The following LEPR variants were observed in gnomAD, a reference collection of about 807,000 sequenced individuals.
The protein encoded by LEPR is leptin receptor, also known as OB receptor.
Under a neutral mutation model 114.7 loss-of-function variants are expected in LEPR, and 56 were observed. The observed-to-expected ratio is 0.49, with a 90% CI of 0.39 to 0.61. The LOEUF is 0.61. Among genes scored for constraint, LEPR ranks in the 20% least tolerant of loss-of-function variants. The probability of loss-of-function intolerance (pLI) is 0.00; values close to 1 mark genes in which losing one functional copy is unlikely to be tolerated. For missense variants in LEPR, 1,202 were observed against 1,352.9 expected, an observed-to-expected ratio of 0.89 and a Z score of 1.75; for synonymous variants, 443 against 461.4, an observed-to-expected ratio of 0.96 and a Z score of 0.51.
intron 6 of LEPR, among the ~76,000 whole-genome samples, chr1:65,594,798 T>C (rs1303660921): frequency 6.6e-6 from 1 of 151,790 alleles, no homozygotes; most frequent in Non-Finnish European, 1.5e-5. Flanking sequence ...TCAGTAAGAA[T>C]GAAGGAGTAA....
At chr1:65,608,563 C>T (rs923457631) in intron 11 of LEPR, among the ~76,000 whole-genome samples, 190 bp from the exon 12 acceptor site, 17 of 151,674 alleles carry the variant, frequency 1.1e-4, no homozygotes, top group East Asian at 1.9e-4. Flanking sequence ...TCTATATTTG[C>T]GAAAAAGAGA....
chr1:65,636,667 C>G lies in LEPR; in HGVS notation c.3150C>G (p.His1050Gln). ...AGCATCCCAACATAATTTCACCACA[C>G]CTCACATTCTCAGAAGGATTGGATG... is the stretch of plus-strand genomic sequence containing the variant. ...SDQHPNIISPHLTFSEGLDEL... is the reference protein window; with the variant it reads ...SDQHPNIISPQLTFSEGLDEL... The change falls in exon 20 of 20, where the codon CAC (histidine) becomes CAG (glutamine). Residue 1050 changes from histidine to glutamine, a missense_variant. By Grantham distance (24) the His-to-Gln change is conservative (BLOSUM62 0). Coordinates refer to ENST00000349533, the MANE Select transcript of LEPR (RefSeq NM_002303.6). The G allele has an allele frequency of 6.2e-7, 1 of 1,609,800 alleles. No individual in the cohort carries two copies. Among genetic ancestry groups the G allele is most frequent in the Non-Finnish European group, 8.5e-7 (1 of 1,177,392 alleles).
chr1:65,445,173 C>G (rs1646698074), intron 2 of LEPR, among the ~76,000 whole-genome samples: 2 of 152,164 alleles, frequency 1.3e-5, no homozygotes, highest in Admixed American at 1.3e-4. Flanking sequence ...TTATCTATGG[C>G]TGAAAACTGA....
At chr1:65,568,169 A>G (rs1414270605) in intron 3 of LEPR, among the ~76,000 whole-genome samples, 1 of 152,232 alleles carries the variant, frequency 6.6e-6, no homozygotes, top group Non-Finnish European at 1.5e-5. Context: ...AGTTGGAATA[A>G]CATAGTATAT....
At chr1:65,432,298 G>A (rs1045895) in intron 2 of LEPR, 359,402 of 993,224 alleles carry the variant, frequency 0.36, 69,079 homozygotes, top group Non-Finnish European at 0.39. Flanking sequence ...CAGGAAGGCC[G>A]GGGTGGATCC....
At position 65,483,946 on chromosome 1, in the gene LEPR, C is replaced by CT. The variant is rs537664644; in HGVS notation, c.-21+58578dup. Among the ~76,000 whole-genome samples the CT allele has an allele frequency of 1.0e-3, 151 of 147,690 alleles. 1 individual carries two copies. Among genetic ancestry groups the CT allele is most frequent in the South Asian group, 9.6e-3 (45 of 4,668 alleles). On this transcript the variant is annotated intron_variant, in intron 2 of 19. Transcript: ENST00000349533. ...AATTTTTAATTTTTTCCCTTCTCTC[C>CT]TTTTTTTTTTGAGATAAAGTCTTGC...
chr1:65,549,250 T>G (rs1169538578), intron 2 of LEPR, among the ~76,000 whole-genome samples: 1 of 151,252 alleles, frequency 6.6e-6, no homozygotes, highest in African/African-American at 2.4e-5. Context: ...CATTTTTTCC[T>G]TCATTTCAAC....
At chr1:65,592,908 G>T (rs757684494) in intron 6 of LEPR, 43 bp downstream of exon 6, 27 of 1,599,838 alleles carry the variant, frequency 1.7e-5, no homozygotes, top group South Asian at 1.2e-4. Flanking sequence ...CTAAACATCA[G>T]TCATATATAA....
chr1:65,596,211 T>C (rs1013968241), intron 6 of LEPR, among the ~76,000 whole-genome samples: 4 of 152,128 alleles, frequency 2.6e-5, no homozygotes, highest in African/African-American at 7.2e-5. Context: ...TACTGATTCA[T>C]AGTCTTTACC....
rs577287309 is a variant in LEPR, at chr1:65,637,216, C to A, written c.*201C>A. ...CTTCATAAGCCTACCAATGTAGACACGCTCTTCTATTTTATTCCCAAGCTC... is the reference window on the plus strand; with the variant it reads ...CTTCATAAGCCTACCAATGTAGACAAGCTCTTCTATTTTATTCCCAAGCTC... On this transcript the variant is annotated 3_prime_UTR_variant, in exon 20 of 20. Transcript: ENST00000349533. 20 of 505,506 alleles carry A rather than the reference C, an allele frequency of 4.0e-5. No homozygotes were observed. Among genetic ancestry groups the A allele is most frequent in the Admixed American group, 2.0e-4 (6 of 29,532 alleles). 31.3% of individuals were successfully genotyped at this position (505,506 alleles called of 1,614,324 possible).
At chr1:65,548,432 T>C (rs926825407) in intron 2 of LEPR, among the ~76,000 whole-genome samples, 54 of 152,218 alleles carry the variant, frequency 3.5e-4, no homozygotes, top group African/African-American at 1.2e-3. Flanking sequence ...ATTATTATTG[T>C]GTGGGAGTCT....
chr1:65,498,510 C>T (rs927581915), intron 2 of LEPR, among the ~76,000 whole-genome samples: 9 of 151,914 alleles, frequency 5.9e-5, no homozygotes, highest in African/African-American at 1.7e-4. Flanking sequence ...CCAAGAATGA[C>T]GATGGCGAAA....
intron 2 of LEPR, among the ~76,000 whole-genome samples, chr1:65,466,364 T>C (rs967718753): frequency 2.2e-4 from 33 of 152,176 alleles, no homozygotes; most frequent in Non-Finnish European, 1.0e-4. Context: ...CCACTCTCTT[T>C]TGGCTTGTAG....
rs185817863 is a variant in LEPR, at chr1:65,493,515, A to G, written c.-21+68137A>G. On this transcript the variant is annotated intron_variant, in intron 2 of 19. Coordinates refer to ENST00000349533, the MANE Select transcript of LEPR (RefSeq NM_002303.6). ...ATGGGGTGGTCAGTCAATTATCTTT[A>G]TAGATATTTTTTTCATTAAAATTAA... Among the ~76,000 whole-genome samples, 287 of 152,184 alleles carry G rather than the reference A, an allele frequency of 1.9e-3. 2 individuals are homozygous for G. Among genetic ancestry groups the G allele is most frequent in the Middle Eastern group, 6.8e-3 (2 of 294 alleles).
At chr1:65,615,455 C>T (rs1212247120) in intron 14 of LEPR, among the ~76,000 whole-genome samples, 1 of 152,006 alleles carries the variant, frequency 6.6e-6, no homozygotes, top group Non-Finnish European at 1.5e-5. Flanking sequence ...GTTTTGATGG[C>T]CTCTGTTACT....
At chr1:65,451,761 G>C (rs1249395570) in intron 2 of LEPR, among the ~76,000 whole-genome samples, 4 of 151,704 alleles carry the variant, frequency 2.6e-5, no homozygotes, top group African/African-American at 9.7e-5. Flanking sequence ...GGTGATGCGG[G>C]CTCTTTTTTG....
intron 2 of LEPR, among the ~76,000 whole-genome samples, chr1:65,500,376 C>G (rs1433801993): frequency 6.6e-6 from 1 of 152,098 alleles, no homozygotes; most frequent in Non-Finnish European, 1.5e-5. Context: ...ATTTCATTCA[C>G]TTTTCCCCTG....
At chr1:65,500,800 C>T (rs951457080) in intron 2 of LEPR, among the ~76,000 whole-genome samples, 2 of 152,154 alleles carry the variant, frequency 1.3e-5, no homozygotes, top group African/African-American at 2.4e-5. Flanking sequence ...GGTGTTGGCA[C>T]CCTTAACCCC....
intron 2 of LEPR, among the ~76,000 whole-genome samples, chr1:65,472,035 A>G (rs569807411): frequency 6.6e-6 from 1 of 152,182 alleles, no homozygotes; most frequent in Non-Finnish European, 1.5e-5. Context: ...TACTCTTTTC[A>G]TCACCTCAGA....
Sources: gnomAD v4.1 joint callset for allele counts (sites outside exome capture counted in the v4.1 genomes callset) on GRCh38, gnomAD v4.1.1 for gene constraint, MANE v1.5 for transcripts, NCBI Gene and HGNC (gene_info 2026-07-23, HGNC 2026-07-21) for gene names.